CCDC7: variants seen among roughly 807,000 people sequenced by gnomAD.
CCDC7 encodes coiled-coil domain-containing protein 7.
Under a neutral mutation model 196.9 loss-of-function variants are expected in CCDC7, and 183 were observed. That is an observed-to-expected ratio of 0.93 (90% CI 0.82 to 1.05). The LOEUF is 1.05. Ranked by LOEUF, CCDC7 falls within the 50% of genes least tolerant of loss-of-function variation. CCDC7 has a pLI of 0.00. For missense variants in CCDC7, 1,540 were observed against 1,482.2 expected (o/e 1.04, Z -0.64); for synonymous variants, 525 against 484.6 (o/e 1.08, Z -1.10).
chr10:32,797,574 C>T (rs1346870012), intron 29 of CCDC7, among the ~76,000 whole-genome samples: 2 of 145,216 alleles, frequency 1.4e-5, no homozygotes, highest in African/African-American at 2.5e-5. Context: ...GTATACTGCT[C>T]GTCTGATGGG....
chr10:32,623,715 G>A (rs1258513111), intron 18 of CCDC7: 3 of 469,126 alleles, frequency 6.4e-6, no homozygotes, highest in South Asian at 1.5e-5. Flanking sequence ...TCATGGTTCT[G>A]TAGGCAGTAC....
intron 3 of CCDC7, among the ~76,000 whole-genome samples, chr10:32,461,370 A>G (rs1014623256): frequency 6.6e-6 from 1 of 152,180 alleles, no homozygotes; most frequent in African/African-American, 2.4e-5. Context: ...AGTGTTGAAT[A>G]GCTCATGAAA....
intron 29 of CCDC7, among the ~76,000 whole-genome samples, chr10:32,798,050 G>A (rs921131088): frequency 2.6e-5 from 4 of 152,182 alleles, no homozygotes; most frequent in Non-Finnish European, 5.9e-5. Context: ...ATACTACGTG[G>A]AATACCATGA....
Position 32,623,896 on chromosome 10 carries a change from C to T in CCDC7, c.1802-10358C>T, listed in dbSNP as rs141490528. On this transcript the variant is annotated intron_variant, in intron 18 of 41. Coordinates refer to ENST00000639629, the Ensembl canonical transcript of CCDC7. ...AGATTTCGCCTGAACTGAGTGAGAACTCACTTCTTCCCAAGGGGATGGTGC... is the reference window on the plus strand; with the variant it reads ...AGATTTCGCCTGAACTGAGTGAGAATTCACTTCTTCCCAAGGGGATGGTGC... 1.9e-4 allele frequency: 76 copies of T among 410,174 alleles called. 1 individual carries two copies. The highest frequency in any genetic ancestry group is 3.3e-4 in the Admixed American group (12 of 36,634). 25.4% of individuals were successfully genotyped at this position (410,174 alleles called of 1,614,324 possible).
intron 28 of CCDC7, among the ~76,000 whole-genome samples, chr10:32,762,360 C>T (rs937300813): frequency 6.6e-6 from 1 of 151,698 alleles, no homozygotes; most frequent in Non-Finnish European, 1.5e-5. Flanking sequence ...TTTGTTGGCA[C>T]ACTCTTCCAG....
chr10:32,834,203 G>A (rs768364776), intron 32 of CCDC7, among the ~76,000 whole-genome samples: 7 of 151,954 alleles, frequency 4.6e-5, no homozygotes, highest in African/African-American at 7.2e-5. Context: ...GAGAGGGCAC[G>A]TTCTACCAGT....
chr10:32,729,609 TA>T (rs1478487695), intron 28 of CCDC7, 152 bp downstream of exon 29: 10 of 406,838 alleles, frequency 2.5e-5, no homozygotes, highest in Admixed American at 1.3e-4. Flanking sequence ...GTTTCTTTTA[TA>T]ATTACTCAGT....
At chr10:32,584,923 G>A (rs1198248637) in intron 18 of CCDC7, among the ~76,000 whole-genome samples, 1 of 151,940 alleles carries the variant, frequency 6.6e-6, no homozygotes, top group Non-Finnish European at 1.5e-5. Flanking sequence ...TCTGAGCATA[G>A]CAGGAAAAAA....
chr10:32,488,339 C>T (rs1056634448), intron 8 of CCDC7, among the ~76,000 whole-genome samples: 1 of 152,180 alleles, frequency 6.6e-6, no homozygotes, highest in African/African-American at 2.4e-5. Context: ...TGGAAAAGCG[C>T]GGTATTAGGG....
chr10:32,600,884 C>A (rs2138311480), intron 18 of CCDC7, among the ~76,000 whole-genome samples: 1 of 152,248 alleles, frequency 6.6e-6, no homozygotes, highest in East Asian at 1.9e-4. Context: ...CCTGAAGGAT[C>A]TCTTTTGTAT....
intron 37 of CCDC7, 97 bp from the exon 39 acceptor site, chr10:32,847,736 A>G: frequency 2.6e-6 from 2 of 781,480 alleles, no homozygotes; most frequent in Non-Finnish European, 4.1e-6. Flanking sequence ...AGGAAAAGAA[A>G]AGAAAAAGAA....
At chr10:32,585,191 A>G (rs1178519765) in intron 18 of CCDC7, among the ~76,000 whole-genome samples, 1 of 151,658 alleles carries the variant, frequency 6.6e-6, no homozygotes, top group Non-Finnish European at 1.5e-5. Context: ...CTCCTGCCTC[A>G]GCCTCCCGAG....
chr10:32,694,741 A>C (rs1280061136), intron 23 of CCDC7, 138 bp from the exon 25 acceptor site: 7 of 506,070 alleles, frequency 1.4e-5, no homozygotes, highest in African/African-American at 1.4e-4. Context: ...TAGTCATGTC[A>C]CATCTGGATT....
At chr10:32,687,059 C>T (rs1222063210) in intron 22 of CCDC7, among the ~76,000 whole-genome samples, 2 of 152,290 alleles carry the variant, frequency 1.3e-5, no homozygotes, top group Non-Finnish European at 2.9e-5. Flanking sequence ...TACCTACTTC[C>T]CTCAGCTTGG....
chr10:32,565,614 T>C (rs759482251), exon 14 of CCDC7: 2 of 1,609,422 alleles, frequency 1.2e-6, no homozygotes, highest in Non-Finnish European at 1.7e-6. Flanking sequence ...TGAAACAGGC[T>C]TTACAGGTAA....
At chr10:32,699,666 A>T (rs1020744186) in intron 24 of CCDC7, among the ~76,000 whole-genome samples, 2 of 149,426 alleles carry the variant, frequency 1.3e-5, no homozygotes, top group Non-Finnish European at 2.9e-5. Flanking sequence ...TTACAGTCCC[A>T]CCAACAGTGT....
intron 18 of CCDC7, among the ~76,000 whole-genome samples, chr10:32,619,252 G>A (rs1298021150): frequency 5.3e-5 from 8 of 151,988 alleles, no homozygotes; most frequent in Admixed American, 5.2e-4. Flanking sequence ...CAATATAAGA[G>A]AAAATGACTT....
At chr10:32,487,536 G>A (rs569795155) in intron 8 of CCDC7, among the ~76,000 whole-genome samples, 68 of 152,328 alleles carry the variant, frequency 4.5e-4, no homozygotes, top group Non-Finnish European at 6.3e-4. Context: ...GAGGAGCTGC[G>A]TTCCTTTGGA....
chr10:32,765,232 G>A (rs2078091302), intron 28 of CCDC7, among the ~76,000 whole-genome samples: 1 of 151,838 alleles, frequency 6.6e-6, no homozygotes. Context: ...TGGCCTTTTT[G>A]CTGGGTTACT....
Sources: allele counts gnomAD v4.1 joint callset (sites outside exome capture counted in the v4.1 genomes callset), GRCh38; gene constraint gnomAD v4.1.1; transcripts MANE v1.5; gene names NCBI Gene and HGNC (gene_info 2026-07-23, HGNC 2026-07-21).